The following KIF26B variants were observed in gnomAD, a reference collection of about 807,000 sequenced individuals.
KIF26B encodes the protein kinesin-like protein KIF26B.
In KIF26B, 63 loss-of-function variants were observed where a neutral mutation model predicts 151.2. That is an observed-to-expected ratio of 0.42 (90% CI 0.34 to 0.51). The LOEUF (loss-of-function observed/expected upper bound fraction) is 0.51. KIF26B is among the 20% of genes least tolerant of loss of function. The probability of loss-of-function intolerance (pLI) is 0.07; values close to 1 mark genes in which losing one functional copy is unlikely to be tolerated. For synonymous variants in KIF26B, 1,357 were observed against 1,262.1 expected, an observed-to-expected ratio of 1.08 and a Z score of -1.59; for missense variants, 2,813 against 2,913.6, an observed-to-expected ratio of 0.97 and a Z score of 0.79.
chr1:245,309,630 C>T (rs1252732595), intron 2 of KIF26B, among the ~76,000 whole-genome samples: 2 of 149,720 alleles, frequency 1.3e-5, no homozygotes, highest in African/African-American at 2.4e-5. Context: ...TCAATAAATA[C>T]CTCTCTCATT....
chr1:245,351,380 G>A (rs568089537), intron 2 of KIF26B, among the ~76,000 whole-genome samples: 1 of 150,244 alleles, frequency 6.7e-6, no homozygotes, highest in Non-Finnish European at 1.5e-5. Context: ...CTTTTCACGT[G>A]TTAAACATAG....
At chr1:245,243,357 AC>A (rs1670245503) in intron 2 of KIF26B, among the ~76,000 whole-genome samples, 1 of 151,918 alleles carries the variant, frequency 6.6e-6, no homozygotes, top group Admixed American at 6.6e-5. Context: ...CTAAATGTTC[AC>A]ATCCTTTGCC....
rs1222277749 is a variant in KIF26B, at chr1:245,686,689, A to G, written c.3706A>G (p.Ser1236Gly). 6.2e-7 allele frequency: 1 copy of G among 1,612,766 alleles called. No homozygotes were observed. Among genetic ancestry groups the G allele is most frequent in the African/African-American group, 1.3e-5 (1 of 74,922 alleles). ...SRPVSIISSI[S>G]EDLECYSSTA... is the part of the protein sequence containing the mutation. Reference sequence around the variant, plus strand: ...GCCCGTCAGCATCATCAGCAGCATCAGCGAGGACCTGGAGTGCTACTCCAG... The same window carrying G: ...GCCCGTCAGCATCATCAGCAGCATCGGCGAGGACCTGGAGTGCTACTCCAG... Residue 1236 changes from serine (S) to glycine (G), a missense_variant, in exon 12 of 15, where the codon AGC becomes GGC. Around this residue, in one of 3 missense-constraint regions of KIF26B, gnomAD observed 2,060 missense variants for 2,088.6 expected, o/e 0.99. Coordinates refer to ENST00000407071, the MANE Select transcript of KIF26B (RefSeq NM_018012.4). The surrounding 1 kb of genome is among the most constrained non-coding windows in gnomAD (Gnocchi z 5.6).
In KIF26B at chr1:245,702,677, C is replaced by T. The variant is rs966905478; in HGVS notation, c.*71C>T. ...CAGAGATGTTGCACGCCCCTAGGCCCTCTGTGCTGGGGCATCAAAGACAAT... is the reference window on the plus strand; with the variant it reads ...CAGAGATGTTGCACGCCCCTAGGCCTTCTGTGCTGGGGCATCAAAGACAAT... On this transcript the variant is annotated 3_prime_UTR_variant, in exon 15 of 15. Transcript: ENST00000407071. This position sits in a 1 kb window ranked among gnomAD's most constrained non-coding sequence, Gnocchi z 4.1. 9.3e-6 allele frequency: 14 copies of T among 1,507,648 alleles called. No homozygotes were observed. Among genetic ancestry groups the T allele is most frequent in the Non-Finnish European group, 1.2e-5 (13 of 1,109,710 alleles). The allele number at this position is 1,507,648 out of a possible 1,614,324, so 93.4% of individuals were successfully genotyped here. A position where few individuals can be genotyped will look rare whatever the true frequency, so the allele number is the denominator to read the frequency against.
chr1:245,506,280 C>T (rs1660727460), intron 4 of KIF26B, among the ~76,000 whole-genome samples: 1 of 152,180 alleles, frequency 6.6e-6, no homozygotes, highest in South Asian at 2.1e-4. Flanking sequence ...TTGCAGACTA[C>T]AGTCATGGAA....
At chr1:245,289,784 A>G (rs181824103) in intron 2 of KIF26B, among the ~76,000 whole-genome samples, 2 of 152,332 alleles carry the variant, frequency 1.3e-5, no homozygotes, top group East Asian at 3.9e-4. Context: ...AGAGAGGAAC[A>G]ACATCAGGAA....
At chr1:245,203,672 G>A (rs1372275679) in intron 2 of KIF26B, among the ~76,000 whole-genome samples, 1 of 152,182 alleles carries the variant, frequency 6.6e-6, no homozygotes, top group Non-Finnish European at 1.5e-5. Flanking sequence ...TTTACATGGT[G>A]CATGCAGTTT....
chr1:245,372,046 G>T lies in KIF26B; in HGVS notation c.999+4679G>T, dbSNP rs553043488. Among the ~76,000 whole-genome samples the T allele has an allele frequency of 4.6e-5, 7 of 152,198 alleles. No individual in the cohort carries two copies. In the East Asian group the frequency reaches 1.4e-3, roughly 29 times the overall value. ...TAGCGCAGGGGTCCCCAGACCCCAG[G>T]CCACAGATTGATACCACTCTGTGGC... On this transcript the variant is annotated intron_variant, in intron 3 of 14. Coordinates refer to ENST00000407071, the MANE Select transcript of KIF26B (RefSeq NM_018012.4).
chr1:245,231,440 C>T (rs1669995528), intron 2 of KIF26B, among the ~76,000 whole-genome samples: 2 of 152,000 alleles, frequency 1.3e-5, no homozygotes, highest in South Asian at 2.1e-4. Context: ...CGCTTGATCC[C>T]GGGAGGTGGA....
chr1:245,631,752 C>T (rs922700129), intron 9 of KIF26B, among the ~76,000 whole-genome samples: 1 of 152,032 alleles, frequency 6.6e-6, no homozygotes, highest in East Asian at 1.9e-4. Context: ...CTGATTAATT[C>T]TTGTTACTCA....
intron 3 of KIF26B, among the ~76,000 whole-genome samples, chr1:245,416,292 A>AAAAAAAG (rs1674418120): frequency 4.9e-5 from 7 of 142,880 alleles, no homozygotes; most frequent in Non-Finnish European, 1.1e-4. Context: ...AAAAAAAAAA[A>AAAAAAAG]AAAAAAAGAA....
intron 2 of KIF26B, among the ~76,000 whole-genome samples, chr1:245,303,299 C>T (rs562464538): frequency 1.5e-3 from 218 of 149,650 alleles, no homozygotes; most frequent in Non-Finnish European, 1.7e-3. Flanking sequence ...CCCGGGTTCA[C>T]GCCATTCTCC....
chr1:245,258,020 TAA>T (rs5782331), intron 2 of KIF26B, among the ~76,000 whole-genome samples: 22 of 146,510 alleles, frequency 1.5e-4, no homozygotes, highest in African/African-American at 5.5e-4. Flanking sequence ...GACTCTGTCT[TAA>T]AAAAAAAAAA....
intron 2 of KIF26B, among the ~76,000 whole-genome samples, chr1:245,353,050 T>C (rs1672604509): frequency 6.6e-6 from 1 of 152,234 alleles, no homozygotes; most frequent in Non-Finnish European, 1.5e-5. Context: ...AGACAATGTA[T>C]ATGAATTGAT....
intron 4 of KIF26B, among the ~76,000 whole-genome samples, chr1:245,532,395 GC>G (rs1297343788): frequency 3.3e-5 from 5 of 151,584 alleles, no homozygotes; most frequent in East Asian, 1.9e-4. Context: ...ACAGGCGCCC[GC>G]CACCATGCCC....
At chr1:245,174,840 G>A (rs1445242981) in intron 2 of KIF26B, among the ~76,000 whole-genome samples, 1 of 152,130 alleles carries the variant, frequency 6.6e-6, no homozygotes, top group East Asian at 1.9e-4. Context: ...GGAGCTTGTG[G>A]GATTTCAGGG....
At chr1:245,635,116 A>G (rs1226728268) in intron 9 of KIF26B, among the ~76,000 whole-genome samples, 1 of 146,406 alleles carries the variant, frequency 6.8e-6, no homozygotes, top group Non-Finnish European at 1.5e-5. Context: ...TTTTTTTTCA[A>G]ACAACATACT....
intron 9 of KIF26B, among the ~76,000 whole-genome samples, chr1:245,632,905 A>G (rs1291646085): frequency 1.3e-5 from 2 of 152,096 alleles, no homozygotes; most frequent in Non-Finnish European, 2.9e-5. Flanking sequence ...GAGACCCCAT[A>G]CCAAAAAATA....
At position 245,704,818 on chromosome 1, in the gene KIF26B, G is replaced by C. The variant is rs909409411; in HGVS notation, c.*2212G>C. 1 of 152,220 alleles carries C rather than the reference G, an allele frequency of 6.6e-6. No homozygotes were observed. The highest frequency in any genetic ancestry group is 2.4e-5 in the African/African-American group (1 of 41,452). 9.4% of individuals were successfully genotyped at this position (152,220 alleles called of 1,614,324 possible). A position where few individuals can be genotyped will look rare whatever the true frequency, so the allele number is the denominator to read the frequency against. On this transcript the variant is annotated 3_prime_UTR_variant, in exon 15 of 15. Transcript: ENST00000407071. ...AAAGGGAAGCCAATCCTTCGAGTTTGCCATTGGGCTGCTGGTTGCTGGTTT... is the reference window on the plus strand; with the variant it reads ...AAAGGGAAGCCAATCCTTCGAGTTTCCCATTGGGCTGCTGGTTGCTGGTTT...
Sources: allele counts gnomAD v4.1 joint callset (sites outside exome capture counted in the v4.1 genomes callset), GRCh38; gene constraint gnomAD v4.1.1; regional missense constraint gnomAD v4.1.1; non-coding constraint Gnocchi (gnomAD v3.1); transcripts MANE v1.5; gene names NCBI Gene and HGNC (gene_info 2026-07-23, HGNC 2026-07-21).